TGFBR2: variants seen among roughly 807,000 people sequenced by gnomAD.
TGFBR2 encodes the protein TGF-beta receptor type-2.
In TGFBR2, 18 loss-of-function variants were observed where a neutral mutation model predicts 49.0. The observed-to-expected ratio is 0.37, with a 90% CI of 0.25 to 0.54. The LOEUF (loss-of-function observed/expected upper bound fraction) is 0.54. Among genes scored for constraint, TGFBR2 ranks in the 20% least tolerant of loss-of-function variants. The pLI is 0.85. For synonymous variants in TGFBR2, 282 were observed against 275.9 expected (o/e 1.02, Z -0.22); for missense variants, 525 against 722.6 (o/e 0.73, Z 3.13).
intron 1 of TGFBR2, among the ~76,000 whole-genome samples, chr3:30,610,479 A>G (rs1388067596): frequency 6.6e-6 from 1 of 152,126 alleles, no homozygotes; most frequent in Non-Finnish European, 1.5e-5. Flanking sequence ...TGCATTCTCC[A>G]TTCCATAGCC....
intron 1 of TGFBR2, among the ~76,000 whole-genome samples, chr3:30,628,318 C>T (rs1366067156): frequency 6.6e-6 from 1 of 151,438 alleles, no homozygotes; most frequent in Non-Finnish European, 1.5e-5. Flanking sequence ...GAAAACTTGC[C>T]CTGAAGGGAT....
chr3:30,672,356 A>G lies in TGFBR2; in HGVS notation c.1173A>G (p.Leu391=), dbSNP rs1013308477. The stretch of plus-strand genomic sequence containing the variant: ...CCAATATCCTCGTGAAGAACGACCT[A>G]ACCTGCTGCCTGTGTGACTTTGGGC... ...KSSNILVKND[L]TCCLCDFGLS... is the part of the protein sequence containing the mutation. The change falls in exon 4 of 7, where the codon CTA becomes CTG. Residue 391 remains leucine (L), a synonymous_variant. Coordinates refer to ENST00000295754, the MANE Select transcript of TGFBR2 (RefSeq NM_003242.6). This position sits in a 1 kb window ranked among gnomAD's most constrained non-coding sequence, Gnocchi z 4.5. 2.5e-6 allele frequency: 4 copies of G among 1,613,974 alleles called. No homozygotes were observed. Among genetic ancestry groups the G allele is most frequent in the Non-Finnish European group, 3.4e-6 (4 of 1,179,982 alleles).
chr3:30,661,497 T>C (rs1699128845), intron 3 of TGFBR2: 1 of 464,194 alleles, frequency 2.2e-6, no homozygotes, highest in Admixed American at 2.3e-5. Flanking sequence ...AGGGTTTTAA[T>C]GGCCTGAAAT....
rs914475464 is a variant in TGFBR2, at chr3:30,648,951, T to G, written c.264-1319T>G. 2.6e-5 allele frequency among the ~76,000 whole-genome samples: 4 copies of G among 152,190 alleles called. No individual in the cohort carries two copies. In the East Asian group the frequency reaches 7.7e-4, roughly 29 times the overall value. The stretch of plus-strand genomic sequence containing the variant: ...TCTCTCATGGGGATGGCCCCGCATC[T>G]TTTATAGGTGCAAGCTGTGTCTTAG... On this transcript the variant is annotated intron_variant, in intron 2 of 6. Coordinates refer to ENST00000295754, the MANE Select transcript of TGFBR2 (RefSeq NM_003242.6).
chr3:30,685,695 G>A (rs544393921), intron 5 of TGFBR2, among the ~76,000 whole-genome samples: 11 of 152,204 alleles, frequency 7.2e-5, no homozygotes, highest in African/African-American at 2.4e-4. Flanking sequence ...AGAGTAAGGC[G>A]GTCATGTCCA....
intron 3 of TGFBR2, among the ~76,000 whole-genome samples, chr3:30,660,789 G>A (rs955750702): frequency 3.9e-5 from 6 of 152,178 alleles, no homozygotes; most frequent in Non-Finnish European, 7.3e-5. Context: ...TAAATTATAC[G>A]TTAAAGGAAA....
At chr3:30,679,821 C>A (rs1023085969) in intron 5 of TGFBR2, among the ~76,000 whole-genome samples, 1 of 152,148 alleles carries the variant, frequency 6.6e-6, no homozygotes, top group Admixed American at 6.5e-5. Flanking sequence ...CAATGGAGAA[C>A]GTATTTAAAA....
At chr3:30,652,302 T>G (rs907562017) in intron 3 of TGFBR2, among the ~76,000 whole-genome samples, 1 of 144,604 alleles carries the variant, frequency 6.9e-6, no homozygotes, top group East Asian at 2.2e-4. Flanking sequence ...TGGCACGATC[T>G]TGGCTCACTG....
At chr3:30,607,415 C>T (rs1697943674) in intron 1 of TGFBR2, among the ~76,000 whole-genome samples, 1 of 152,244 alleles carries the variant, frequency 6.6e-6, no homozygotes, top group Non-Finnish European at 1.5e-5. Context: ...TTCTGAGCCA[C>T]CCGTTCAAAA....
chr3:30,640,930 T>G (rs1698631602), intron 1 of TGFBR2, among the ~76,000 whole-genome samples: 1 of 152,224 alleles, frequency 6.6e-6, no homozygotes, highest in Non-Finnish European at 1.5e-5. Context: ...CTTTGGCTTT[T>G]TAAACATTAT....
intron 1 of TGFBR2, among the ~76,000 whole-genome samples, chr3:30,637,416 C>T (rs566631409): frequency 1.3e-5 from 2 of 152,198 alleles, no homozygotes; most frequent in Non-Finnish European, 2.9e-5. Flanking sequence ...AGCCAGAACA[C>T]AGATACCTTA....
intron 1 of TGFBR2, among the ~76,000 whole-genome samples, chr3:30,627,330 C>T (rs1304333503): frequency 6.6e-6 from 1 of 152,028 alleles, no homozygotes; most frequent in Non-Finnish European, 1.5e-5. Context: ...AGAGATGCAC[C>T]ATCGTTTGGA....
chr3:30,661,499 G>A (rs531055080), intron 3 of TGFBR2: 4 of 468,488 alleles, frequency 8.5e-6, no homozygotes, highest in Non-Finnish European at 1.7e-5. Flanking sequence ...GGTTTTAATG[G>A]CCTGAAATGA....
At chr3:30,644,659 A>G (rs1698697547) in intron 1 of TGFBR2, 88 bp from the exon 2 acceptor site, 18 of 1,289,462 alleles carry the variant, frequency 1.4e-5, no homozygotes, top group Non-Finnish European at 1.1e-6. Context: ...CATCAAGTTC[A>G]TTTGAAATTG....
rs1553627538 is a variant in TGFBR2 at position 30,648,460 on chromosome 3, A to ACACACACACACACCCC, written c.264-1808_264-1807insCACACACACACCCCCA. Among the ~76,000 whole-genome samples the ACACACACACACACCCC allele has an allele frequency of 1.4e-4, 20 of 142,484 alleles. No individual in the cohort carries two copies. In the South Asian group the frequency reaches 2.1e-3, roughly 15 times the overall value. 93.5% of individuals were successfully genotyped at this position (142,484 alleles called of 152,430 possible). A position where few individuals can be genotyped will look rare whatever the true frequency, so the allele number is the denominator to read the frequency against. ...CACACACACACACACACACACACAC[A>ACACACACACACACCCC]CAAAACTGTGGGGGCAGGGAGGAAG... On this transcript the variant is annotated intron_variant, in intron 2 of 6. Coordinates refer to ENST00000295754, the MANE Select transcript of TGFBR2 (RefSeq NM_003242.6).
At position 30,664,947 on chromosome 3, in the gene TGFBR2, C is replaced by T. The variant is rs557604600; in HGVS notation, c.455-6691C>T. 1.0e-3 allele frequency among the ~76,000 whole-genome samples: 157 copies of T among 152,342 alleles called. 1 individual carries two copies. The highest frequency in any genetic ancestry group is 3.4e-3 in the Middle Eastern group (1 of 294). On this transcript the variant is annotated intron_variant, in intron 3 of 6. Coordinates refer to ENST00000295754, the MANE Select transcript of TGFBR2 (RefSeq NM_003242.6). ...TAATATTTGAAGTAGTTTGGCAATT[C>T]CTCCACTCGGTAAAGGAGTTTAGGG...
At chr3:30,638,323 A>G (rs930694808) in intron 1 of TGFBR2, among the ~76,000 whole-genome samples, 3 of 152,214 alleles carry the variant, frequency 2.0e-5, no homozygotes, top group Admixed American at 6.5e-5. Context: ...TCACTTTGTC[A>G]TCTCTGAAAG....
rs370795703 is a variant in TGFBR2 at position 30,678,546 on chromosome 3, T to TCAAAAAA, written c.1396+4300_1396+4301insCAAAAAA. Among the ~76,000 whole-genome samples the TCAAAAAA allele has an allele frequency of 3.0e-5, 3 of 100,842 alleles. 1 individual carries two copies. The highest frequency in any genetic ancestry group is 4.4e-5 in the African/African-American group (1 of 22,954). The allele number at this position is 100,842 out of a possible 152,430, so 66.2% of individuals were successfully genotyped here. A position where few individuals can be genotyped will look rare whatever the true frequency, so the allele number is the denominator to read the frequency against. ...CTGGGCGACAGAGCAAGACTGCGTC[T>TCAAAAAA]AAAAAAAAAAAAAAAAAAAAAAGAG... On this transcript the variant is annotated intron_variant, in intron 5 of 6. Coordinates refer to ENST00000295754, the MANE Select transcript of TGFBR2 (RefSeq NM_003242.6).
chr3:30,650,500 G>A (rs749796936), intron 3 of TGFBR2, 40 bp downstream of exon 3: 1 of 1,609,518 alleles, frequency 6.2e-7, no homozygotes, highest in Admixed American at 1.7e-5. Flanking sequence ...CCTGAGATCT[G>A]TGCCAATTTT....
Sources: allele counts gnomAD v4.1 joint callset (sites outside exome capture counted in the v4.1 genomes callset), GRCh38; gene constraint gnomAD v4.1.1; non-coding constraint Gnocchi (gnomAD v3.1); transcripts MANE v1.5; gene names NCBI Gene and HGNC (gene_info 2026-07-23, HGNC 2026-07-21).